PTPRN2: variants seen among roughly 807,000 people sequenced by gnomAD.
The protein encoded by PTPRN2 is protein tyrosine phosphatase receptor type N2.
Under a neutral mutation model 118.8 loss-of-function variants are expected in PTPRN2, and 74 were observed. The ratio of observed to expected loss-of-function variants is 0.62; its 90% CI spans 0.52 to 0.76. PTPRN2 has a LOEUF of 0.76. PTPRN2 is among the 30% of genes least tolerant of loss of function. The pLI, the probability that PTPRN2 is intolerant of heterozygous loss-of-function variation, is 0.00. For missense variants in PTPRN2, 1,481 were observed against 1,394.4 expected, an observed-to-expected ratio of 1.06 and a Z score of -0.99; for synonymous variants, 641 against 608.0, an observed-to-expected ratio of 1.05 and a Z score of -0.80.
chr7:158,319,584 C>T (rs1345834210), intron 2 of PTPRN2, among the ~76,000 whole-genome samples: 1 of 134,448 alleles, frequency 7.4e-6, no homozygotes, highest in East Asian at 2.3e-4. Flanking sequence ...CACACAGCCT[C>T]CCTCACACAC....
At chr7:158,069,884 A>G (rs776638421) in intron 11 of PTPRN2, among the ~76,000 whole-genome samples, 12 of 152,226 alleles carry the variant, frequency 7.9e-5, no homozygotes, top group Non-Finnish European at 1.2e-4. Context: ...TTTGATCTGA[A>G]TGCAGCCTCG....
chr7:158,560,219 T>C (rs1289312968), intron 1 of PTPRN2, among the ~76,000 whole-genome samples: 1 of 152,264 alleles, frequency 6.6e-6, no homozygotes, highest in Non-Finnish European at 1.5e-5. Flanking sequence ...CACTCATCCG[T>C]CAGTGGACAC....
rs1367466625 is a variant in PTPRN2 at position 158,270,751 on chromosome 7, T to C, written c.277+46068A>G. On this transcript the variant is annotated intron_variant, in intron 3 of 22. Coordinates refer to ENST00000389418, the MANE Select transcript of PTPRN2 (RefSeq NM_002847.5). ...GGTGCCTTCTCTACCTGAGCCGTCT[T>C]CTCCACCTGGACCACCCCGTCCACC... Among the ~76,000 whole-genome samples, 19 of 139,766 alleles carry C rather than the reference T, an allele frequency of 1.4e-4. 1 individual carries two copies. The highest frequency in any genetic ancestry group is 4.6e-4 in the African/African-American group (16 of 35,098). The allele number at this position is 139,766 out of a possible 152,430, so 91.7% of individuals were successfully genotyped here.
intron 2 of PTPRN2, among the ~76,000 whole-genome samples, chr7:158,326,955 G>T (rs1803627974): frequency 6.9e-6 from 1 of 144,500 alleles, no homozygotes; most frequent in Non-Finnish European, 1.5e-5. Context: ...TTTCACACAT[G>T]CACACACGCA....
chr7:158,508,566 G>A (rs914393814), intron 1 of PTPRN2, among the ~76,000 whole-genome samples: 2 of 151,902 alleles, frequency 1.3e-5, no homozygotes, highest in Admixed American at 1.3e-4. Context: ...AGCTGGAGAG[G>A]AGCAGGTGCG....
chr7:158,497,737 G>T (rs1175442611), intron 1 of PTPRN2, among the ~76,000 whole-genome samples: 2 of 152,256 alleles, frequency 1.3e-5, no homozygotes, highest in African/African-American at 4.8e-5. Flanking sequence ...ATGAACGATG[G>T]GAGCTGACCG....
chr7:157,615,663 G>A lies in PTPRN2; in HGVS notation c.2344+5699C>T, dbSNP rs903648977. ...GTGTTTTTATCAATGACTTGACGAC[G>A]TGAAAAACATGTTTATAAAACGAGC... On this transcript the variant is annotated intron_variant, in intron 15 of 22. Coordinates refer to ENST00000389418, the MANE Select transcript of PTPRN2 (RefSeq NM_002847.5). The surrounding 1 kb of genome is among the most constrained non-coding windows in gnomAD (Gnocchi z 4.3). 42 of 460,814 alleles carry A rather than the reference G, an allele frequency of 9.1e-5. No individual in the cohort carries two copies. The highest frequency in any genetic ancestry group is 1.9e-4 in the South Asian group (12 of 64,278). The allele number at this position is 460,814 out of a possible 1,614,324, so 28.5% of individuals were successfully genotyped here. A position where few individuals can be genotyped will look rare whatever the true frequency, so the allele number is the denominator to read the frequency against.
At chr7:157,754,992 C>T (rs1563075130) in intron 12 of PTPRN2, among the ~76,000 whole-genome samples, 1 of 152,266 alleles carries the variant, frequency 6.6e-6, no homozygotes, top group East Asian at 1.9e-4. Flanking sequence ...CTCAAGCCAT[C>T]CTCCCACCTC....
At chr7:157,635,053 C>T (rs1226763485) in intron 14 of PTPRN2, among the ~76,000 whole-genome samples, 1 of 152,228 alleles carries the variant, frequency 6.6e-6, no homozygotes, top group African/African-American at 2.4e-5. Context: ...GACGTCCTTT[C>T]TCCTGTCCAC....
intron 2 of PTPRN2, among the ~76,000 whole-genome samples, chr7:158,337,050 C>A (rs770503493): frequency 1.2e-5 from 1 of 81,116 alleles, no homozygotes; most frequent in African/African-American, 3.7e-5. Flanking sequence ...CTCACACCCA[C>A]ACTGTCACCA....
Position 157,676,181 on chromosome 7 carries a change from C to A in PTPRN2, c.2001+6544G>T, listed in dbSNP as rs988376274. Among the ~76,000 whole-genome samples the A allele has an allele frequency of 4.6e-5, 7 of 152,114 alleles. No individual in the cohort carries two copies. Among genetic ancestry groups the A allele is most frequent in the Non-Finnish European group, 1.0e-4 (7 of 68,024 alleles). On this transcript the variant is annotated intron_variant, in intron 13 of 22. Coordinates refer to ENST00000389418, the MANE Select transcript of PTPRN2 (RefSeq NM_002847.5). This position sits in a 1 kb window ranked among gnomAD's most constrained non-coding sequence, Gnocchi z 5.6. ...CCAGCTCCCTGTCTAAACTCTTGGC[C>A]TGACTGGGAGGACCTCTTCCCTCTA...
chr7:157,938,061 A>G (rs558526214), intron 11 of PTPRN2, among the ~76,000 whole-genome samples: 6 of 152,198 alleles, frequency 3.9e-5, no homozygotes, highest in African/African-American at 1.4e-4. Flanking sequence ...TTTTCTGCAC[A>G]ATGTGAACCC....
At chr7:157,707,665 C>T (rs538504653) in intron 12 of PTPRN2, among the ~76,000 whole-genome samples, 1 of 151,972 alleles carries the variant, frequency 6.6e-6, no homozygotes, top group Non-Finnish European at 1.5e-5. Flanking sequence ...CTCACTGCAA[C>T]CTCCGCCTCC....
In PTPRN2 at chr7:157,622,271, A is replaced by C. The variant is rs1803300756; in HGVS notation, c.2197-762T>G. Among the ~76,000 whole-genome samples the C allele has an allele frequency of 6.6e-6, 1 of 151,850 alleles. No homozygotes were observed. The highest frequency in any genetic ancestry group is 2.4e-5 in the African/African-American group (1 of 41,322). ...TCGTCTGCTGTCACTCTGCTTGTGG[A>C]TTTGCAAGGTACTGTGTGTCATGTG... On this transcript the variant is annotated intron_variant, in intron 14 of 22. Transcript: ENST00000389418. The surrounding 1 kb of genome is among the most constrained non-coding windows in gnomAD (Gnocchi z 5.3).
Position 158,567,390 on chromosome 7 carries a change from A to G in PTPRN2, c.112+20168T>C, listed in dbSNP as rs188863114. ...AGCCGTGCCTGCGATTGCATTTTCC[A>G]CTCTCCAAACAGAATCTATTAGACA... On this transcript the variant is annotated intron_variant, in intron 1 of 22. Transcript: ENST00000389418. Among the ~76,000 whole-genome samples the G allele has an allele frequency of 9.3e-4, 142 of 152,068 alleles. 1 individual carries two copies. The highest frequency in any genetic ancestry group is 3.2e-3 in the African/African-American group (131 of 41,482).
chr7:157,881,048 C>T lies in PTPRN2; in HGVS notation c.1788+17625G>A, dbSNP rs1486640397. Among the ~76,000 whole-genome samples the T allele has an allele frequency of 6.6e-6, 1 of 150,622 alleles. No homozygotes were observed. Among genetic ancestry groups the T allele is most frequent in the African/African-American group, 2.5e-5 (1 of 40,230 alleles). On this transcript the variant is annotated intron_variant, in intron 12 of 22. Transcript: ENST00000389418. This position sits in a 1 kb window ranked among gnomAD's most constrained non-coding sequence, Gnocchi z 4.7. ...TGACTGTATGTGGAGATGGAGTTGT[C>T]TATAGGAGTCATTACGGTAAAATGA...
At chr7:157,842,980 C>T (rs1808544363) in intron 12 of PTPRN2, among the ~76,000 whole-genome samples, 1 of 152,280 alleles carries the variant, frequency 6.6e-6, no homozygotes, top group East Asian at 1.9e-4. Flanking sequence ...CCATTGGACC[C>T]GGCCTCCTCC....
chr7:157,794,298 C>T lies in PTPRN2; in HGVS notation c.1788+104375G>A, dbSNP rs572829748. On this transcript the variant is annotated intron_variant, in intron 12 of 22. Coordinates refer to ENST00000389418, the MANE Select transcript of PTPRN2 (RefSeq NM_002847.5). The surrounding 1 kb of genome is among the most constrained non-coding windows in gnomAD (Gnocchi z 5.2). The stretch of plus-strand genomic sequence containing the variant: ...TCCGACCCGGGCTCACACCTCCCCT[C>T]GTTCTCTGCTCTGACCCGGGCTCAC... Among the ~76,000 whole-genome samples, 37 of 147,174 alleles carry T rather than the reference C, an allele frequency of 2.5e-4. No individual in the cohort carries two copies. The highest frequency in any genetic ancestry group is 1.5e-3 in the Admixed American group (22 of 14,874).
At chr7:157,920,133 C>A (rs986245835) in intron 11 of PTPRN2, among the ~76,000 whole-genome samples, 3 of 152,012 alleles carry the variant, frequency 2.0e-5, no homozygotes, top group East Asian at 1.9e-4. Flanking sequence ...AAGGCAGCCT[C>A]GTCATTAAGC....
Sources: allele counts gnomAD v4.1 joint callset (sites outside exome capture counted in the v4.1 genomes callset), GRCh38; gene constraint gnomAD v4.1.1; non-coding constraint Gnocchi (gnomAD v3.1); transcripts MANE v1.5; gene names NCBI Gene and HGNC (gene_info 2026-07-23, HGNC 2026-07-21).